NBEAL1: variants seen among roughly 807,000 people sequenced by gnomAD.
NBEAL1 encodes the protein neurobeachin like 1.
Under a neutral mutation model 351.3 loss-of-function variants are expected in NBEAL1, and 273 were observed. The ratio of observed to expected loss-of-function variants is 0.78; its 90% CI spans 0.70 to 0.86. The LOEUF (loss-of-function observed/expected upper bound fraction) is 0.86. Among genes scored for constraint, NBEAL1 ranks in the 40% least tolerant of loss-of-function variants. The pLI is 0.00. For synonymous variants in NBEAL1, 1,050 were observed against 1,086.4 expected, an observed-to-expected ratio of 0.97 and a Z score of 0.66; for missense variants, 2,961 against 3,201.3, an observed-to-expected ratio of 0.92 and a Z score of 1.81.
intron 8 of NBEAL1, among the ~76,000 whole-genome samples, chr2:203,081,182 G>C (rs1242159722): frequency 1.3e-5 from 2 of 152,184 alleles, no homozygotes; most frequent in East Asian, 3.8e-4. Flanking sequence ...AAAAGCTAAA[G>C]AATGGTCATG....
At chr2:203,190,437 AT>A in intron 46 of NBEAL1, 48 bp downstream of exon 46, 3 of 1,289,464 alleles carry the variant, frequency 2.3e-6, no homozygotes, top group South Asian at 1.3e-5. Flanking sequence ...TAAGAAGTAG[AT>A]TTAAGTACAT....
intron 34 of NBEAL1, 41 bp downstream of exon 34, chr2:203,149,189 G>A (rs2063586347): frequency 3.4e-6 from 5 of 1,488,164 alleles, no homozygotes; most frequent in Non-Finnish European, 4.5e-6. Context: ...TTTTTCTTTA[G>A]TACTCTGGTC....
chr2:203,084,713 T>C (rs1316821186), intron 10 of NBEAL1, 144 bp downstream of exon 10: 2 of 465,560 alleles, frequency 4.3e-6, no homozygotes, highest in South Asian at 4.3e-5. Context: ...TTATCTTGAA[T>C]TGAAACTAGT....
At chr2:203,203,921 T>A (rs1374662717) in intron 51 of NBEAL1, among the ~76,000 whole-genome samples, 4 of 148,844 alleles carry the variant, frequency 2.7e-5, no homozygotes, top group African/African-American at 9.7e-5. Context: ...TTTTGTGTTT[T>A]TTTTGTTATT....
At chr2:203,025,870 T>G (rs945684504) in intron 2 of NBEAL1, among the ~76,000 whole-genome samples, 1 of 152,168 alleles carries the variant, frequency 6.6e-6, no homozygotes, top group Non-Finnish European at 1.5e-5. Context: ...GGCTGTGTTT[T>G]CTTGGAGGTT....
Position 203,016,278 on chromosome 2 carries a change from A to G in NBEAL1, c.-107A>G. The G allele has an allele frequency of 2.8e-6, 2 of 708,580 alleles. No homozygotes were observed. Among genetic ancestry groups the G allele is most frequent in the South Asian group, 3.0e-5 (1 of 33,758 alleles). The allele number at this position is 708,580 out of a possible 1,614,324, so 43.9% of individuals were successfully genotyped here. A position where few individuals can be genotyped will look rare whatever the true frequency, so the allele number is the denominator to read the frequency against. ...ACTTCTTTTTGCTTTCTTTACTGCT[A>G]TGAGCTTTACTGAACGGCTGAAAAA... On this transcript the variant is annotated 5_prime_UTR_variant, in exon 2 of 56. An upstream start codon of the reference 5' UTR is lost. Coordinates refer to ENST00000683969, the MANE Select transcript of NBEAL1 (RefSeq NM_001378026.1).
At position 203,113,620 on chromosome 2, in the gene NBEAL1, G is replaced by A. The variant is rs1010939136; in HGVS notation, c.2506+302G>A. On this transcript the variant is annotated intron_variant, in intron 17 of 55. Transcript: ENST00000683969. ...CATAGCAAAATACCACAGACTGGGC[G>A]GCTTTAGCAACAGAAATTTATTTTC... 3.3e-4 allele frequency among the ~76,000 whole-genome samples: 50 copies of A among 152,094 alleles called. 1 individual carries two copies. The highest frequency in any genetic ancestry group is 1.1e-3 in the African/African-American group (45 of 41,476).
intron 17 of NBEAL1, among the ~76,000 whole-genome samples, chr2:203,114,969 C>T (rs1481502828): frequency 6.6e-6 from 1 of 152,076 alleles, no homozygotes; most frequent in Non-Finnish European, 1.5e-5. Context: ...CTAGGCTGGT[C>T]TTGAACTCCT....
chr2:203,191,140 T>G, intron 46 of NBEAL1: 2 of 1,589,858 alleles, frequency 1.3e-6, no homozygotes, highest in Non-Finnish European at 1.7e-6. Flanking sequence ...GCACCGATCC[T>G]TAGCCAGAGA....
intron 39 of NBEAL1, among the ~76,000 whole-genome samples, chr2:203,170,265 G>A (rs1575077797): frequency 6.6e-6 from 1 of 152,028 alleles, no homozygotes; most frequent in Non-Finnish European, 1.5e-5. Flanking sequence ...CCAGCTACTC[G>A]GGAGGCTGAG....
Position 203,144,642 on chromosome 2 carries a change from A to G in NBEAL1, c.4891A>G (p.Thr1631Ala). 1 of 1,614,114 alleles carries G rather than the reference A, an allele frequency of 6.2e-7. No homozygotes were observed. Among genetic ancestry groups the G allele is most frequent in the Non-Finnish European group, 8.5e-7 (1 of 1,179,986 alleles). ...AGCTAAGCTAAATACCCTTCTTCAG[A>G]CCAAAGTGATTGAAAATCAGGATGA... is the stretch of plus-strand genomic sequence containing the variant. ...ASAKLNTLLQ[T>A]KVIENQDEAC... The change falls in exon 32 of 56, where the codon ACC becomes GCC. Residue 1631 changes from threonine to alanine, a missense_variant. Physicochemically the swap from Thr to Ala is moderately conservative, Grantham distance 58 (BLOSUM62 0). Transcript: ENST00000683969.
chr2:203,186,383 A>T (rs2105758378), intron 44 of NBEAL1, among the ~76,000 whole-genome samples: 1 of 152,366 alleles, frequency 6.6e-6, no homozygotes, highest in Admixed American at 6.5e-5. Context: ...AGTGGTATGA[A>T]AGGATAAGAG....
chr2:203,048,129 G>A (rs369551690), intron 3 of NBEAL1, among the ~76,000 whole-genome samples: 1 of 151,988 alleles, frequency 6.6e-6, no homozygotes, highest in East Asian at 1.9e-4. Context: ...AGCTGGGCAC[G>A]GTGGCTTACT....
At chr2:203,056,311 A>G in intron 4 of NBEAL1, 116 bp from the exon 5 acceptor site, 1 of 678,514 alleles carries the variant, frequency 1.5e-6, no homozygotes, top group Non-Finnish European at 2.7e-6. Context: ...ATGTTTTAAT[A>G]AATGTCATTT....
chr2:203,203,184 C>A lies in NBEAL1; in HGVS notation c.7506+403C>A, dbSNP rs1357762672. 2.7e-5 allele frequency among the ~76,000 whole-genome samples: 4 copies of A among 148,052 alleles called. No individual in the cohort carries two copies. The Admixed American group carries it at 2.7e-4, about 10-fold the overall frequency. ...TATTGAATAGCTTCTGTTTTCTTTT[C>A]TTTTTTTTTTGAGATGGCATGATCT... On this transcript the variant is annotated intron_variant, in intron 51 of 55. Coordinates refer to ENST00000683969, the MANE Select transcript of NBEAL1 (RefSeq NM_001378026.1).
intron 19 of NBEAL1, among the ~76,000 whole-genome samples, chr2:203,123,393 G>A (rs528507717): frequency 6.7e-6 from 1 of 148,754 alleles, no homozygotes; most frequent in Non-Finnish European, 1.5e-5. Flanking sequence ...CTGGAGTGCA[G>A]TGGATCTCGG....
intron 3 of NBEAL1, among the ~76,000 whole-genome samples, chr2:203,042,673 C>A (rs2061162366): frequency 6.6e-6 from 1 of 151,828 alleles, no homozygotes; most frequent in Non-Finnish European, 1.5e-5. Flanking sequence ...CTATAACCTC[C>A]ACCTCCTAGG....
chr2:203,057,555 T>A lies in NBEAL1; in HGVS notation c.515+102T>A, dbSNP rs2061424151. The A allele has an allele frequency of 4.4e-6, 4 of 912,814 alleles. No homozygotes were observed. In the Admixed American group the frequency reaches 1.1e-4, roughly 26 times the overall value. 56.5% of individuals were successfully genotyped at this position (912,814 alleles called of 1,614,324 possible). A position where few individuals can be genotyped will look rare whatever the true frequency, so the allele number is the denominator to read the frequency against. ...CTATGAAAGCAATTGGAAAGAAGTA[T>A]ATAAGACCCACAGATTTAACTCTGA... is the stretch of plus-strand genomic sequence containing the variant. On this transcript the variant is annotated intron_variant, in intron 6 of 55. Transcript: ENST00000683969.
chr2:203,064,534 C>T (rs1046176034), intron 6 of NBEAL1, among the ~76,000 whole-genome samples: 4 of 152,192 alleles, frequency 2.6e-5, no homozygotes, highest in Non-Finnish European at 5.9e-5. Context: ...AAGAAGGACA[C>T]TTCATTGCTT....
Sources: allele counts gnomAD v4.1 joint callset (sites outside exome capture counted in the v4.1 genomes callset), GRCh38; gene constraint gnomAD v4.1.1; transcripts MANE v1.5; gene names NCBI Gene and HGNC (gene_info 2026-07-23, HGNC 2026-07-21).